The following CHSY3 variants were observed in gnomAD, a reference collection of about 807,000 sequenced individuals.
CHSY3 encodes chondroitin sulfate synthase 3.
CHSY3 carries 35 observed loss-of-function variants against 67.2 expected under a neutral mutation model. The ratio of observed to expected loss-of-function variants is 0.52; its 90% CI spans 0.40 to 0.69. The LOEUF (loss-of-function observed/expected upper bound fraction) is 0.69. Among genes scored for constraint, CHSY3 ranks in the 30% least tolerant of loss-of-function variants. The pLI is 0.00. For missense variants in CHSY3, 1,069 were observed against 1,138.5 expected, an observed-to-expected ratio of 0.94 and a Z score of 0.88; for synonymous variants, 474 against 434.7, an observed-to-expected ratio of 1.09 and a Z score of -1.12.
At chr5:130,078,525 G>A (rs1475878634) in intron 2 of CHSY3, among the ~76,000 whole-genome samples, 2 of 152,102 alleles carry the variant, frequency 1.3e-5, no homozygotes, top group Non-Finnish European at 2.9e-5. Flanking sequence ...CGTCAGTTTT[G>A]TCATTGATGG....
At chr5:130,132,583 A>G (rs1768519069) in intron 2 of CHSY3, among the ~76,000 whole-genome samples, 1 of 152,146 alleles carries the variant, frequency 6.6e-6, no homozygotes, top group South Asian at 2.1e-4. Context: ...TCTGCTTTCT[A>G]ACAGTATCCT....
At chr5:129,931,387 T>A (rs1274250744) in intron 2 of CHSY3, among the ~76,000 whole-genome samples, 1 of 152,176 alleles carries the variant, frequency 6.6e-6, no homozygotes, top group Non-Finnish European at 1.5e-5. Context: ...GGGCTTTGAA[T>A]AGTTCTATTT....
intron 2 of CHSY3, among the ~76,000 whole-genome samples, chr5:130,160,891 A>ATTTTTTTTTTTTTTTT (rs1171885849): frequency 7.2e-6 from 1 of 138,256 alleles, no homozygotes; most frequent in Non-Finnish European, 1.5e-5. Flanking sequence ...TTATTTATTT[A>ATTTTTTTTTTTTTTTT]TTTATTTTTT....
chr5:130,059,135 C>A (rs1233104554), intron 2 of CHSY3, among the ~76,000 whole-genome samples: 1 of 152,080 alleles, frequency 6.6e-6, no homozygotes, highest in African/African-American at 2.4e-5. Context: ...GGGCCTCATG[C>A]AATCAGCTGA....
chr5:130,104,957 T>C (rs867423070), intron 2 of CHSY3, among the ~76,000 whole-genome samples: 3 of 151,694 alleles, frequency 2.0e-5, no homozygotes, highest in African/African-American at 7.2e-5. Flanking sequence ...CACTTGACCT[T>C]ATATGCTTGG....
chr5:130,150,535 A>G (rs1048018404), intron 2 of CHSY3, among the ~76,000 whole-genome samples: 8 of 152,324 alleles, frequency 5.3e-5, no homozygotes, highest in African/African-American at 1.4e-4. Flanking sequence ...TCAACCAACC[A>G]GTATTAATTA....
intron 2 of CHSY3, among the ~76,000 whole-genome samples, chr5:130,011,355 G>A (rs573310959): frequency 6.6e-6 from 1 of 152,012 alleles, no homozygotes; most frequent in Non-Finnish European, 1.5e-5. Flanking sequence ...TCACATAAAC[G>A]GAACTAAAAA....
At chr5:130,092,424 T>G (rs62391454) in intron 2 of CHSY3, among the ~76,000 whole-genome samples, 19,729 of 152,140 alleles carry the variant, frequency 0.13, 1,862 homozygotes, top group African/African-American at 0.26. Flanking sequence ...TTGGAATGAT[T>G]ATGTTTAGGT....
At chr5:130,059,485 C>G (rs1765640973) in intron 2 of CHSY3, among the ~76,000 whole-genome samples, 1 of 150,854 alleles carries the variant, frequency 6.6e-6, no homozygotes. Flanking sequence ...TCCATCTTTT[C>G]CATTGTTCTA....
chr5:130,107,174 A>C (rs1767436708), intron 2 of CHSY3, among the ~76,000 whole-genome samples: 1 of 151,318 alleles, frequency 6.6e-6, no homozygotes, highest in African/African-American at 2.4e-5. Flanking sequence ...TTGCTTGTAT[A>C]ATTTTGTATT....
intron 2 of CHSY3, among the ~76,000 whole-genome samples, chr5:129,977,563 T>G: frequency 6.6e-6 from 1 of 152,282 alleles, no homozygotes; most frequent in Non-Finnish European, 1.5e-5. Flanking sequence ...TAAAATATGC[T>G]TATGATTCAT....
At chr5:130,119,699 T>G (rs1767943158) in intron 2 of CHSY3, among the ~76,000 whole-genome samples, 1 of 152,160 alleles carries the variant, frequency 6.6e-6, no homozygotes, top group Admixed American at 6.6e-5. Flanking sequence ...AATAATTAAT[T>G]ATTGAGTAAT....
intron 2 of CHSY3, among the ~76,000 whole-genome samples, chr5:130,169,517 T>C (rs1260550097): frequency 5.3e-5 from 8 of 152,070 alleles, no homozygotes; most frequent in African/African-American, 1.9e-4. Flanking sequence ...CTCACAGAAG[T>C]ATATGTTATC....
At chr5:130,110,843 A>G (rs2149703668) in intron 2 of CHSY3, among the ~76,000 whole-genome samples, 2 of 152,040 alleles carry the variant, frequency 1.3e-5, no homozygotes, top group Admixed American at 1.3e-4. Flanking sequence ...ATCTTTAGAA[A>G]TCTTCATGTT....
Position 130,167,350 on chromosome 5 carries a change from G to C in CHSY3, c.1087-16879G>C, listed in dbSNP as rs148848845. 4.1e-3 allele frequency among the ~76,000 whole-genome samples: 621 copies of C among 152,156 alleles called. 8 individuals carry two copies. The highest frequency in any genetic ancestry group is 0.035 in the South Asian group (171 of 4,818). On this transcript the variant is annotated intron_variant, in intron 2 of 2. Coordinates refer to ENST00000305031, the MANE Select transcript of CHSY3 (RefSeq NM_175856.5). ...GACTAAGAGATGGAGGGCTGTCTTT[G>C]TTGATGATTACATTTTGAAAGGATA...
At chr5:129,960,741 C>A (rs947536367) in intron 2 of CHSY3, among the ~76,000 whole-genome samples, 2 of 151,586 alleles carry the variant, frequency 1.3e-5, no homozygotes, top group African/African-American at 4.8e-5. Flanking sequence ...ATAATGCATG[C>A]CATTGTTTAA....
At chr5:130,020,397 G>T (rs1376302624) in intron 2 of CHSY3, among the ~76,000 whole-genome samples, 2 of 143,214 alleles carry the variant, frequency 1.4e-5, no homozygotes, top group Non-Finnish European at 3.0e-5. Flanking sequence ...TCCAACCTGG[G>T]CAACAAAGCA....
chr5:129,990,205 C>A (rs936741047), intron 2 of CHSY3, among the ~76,000 whole-genome samples: 1 of 151,888 alleles, frequency 6.6e-6, no homozygotes, highest in African/African-American at 2.4e-5. Flanking sequence ...AAAAGAATGT[C>A]TAAAAACTTC....
intron 2 of CHSY3, chr5:130,140,800 T>C (rs981562060): frequency 4.4e-6 from 1 of 229,132 alleles, no homozygotes; most frequent in East Asian, 1.4e-4. Flanking sequence ...ACAATAGAGC[T>C]GTCTGATGCC....
Sources: allele counts gnomAD v4.1 joint callset (sites outside exome capture counted in the v4.1 genomes callset), GRCh38; gene constraint gnomAD v4.1.1; transcripts MANE v1.5; gene names NCBI Gene and HGNC (gene_info 2026-07-23, HGNC 2026-07-21).